Variants in KCNN2 observed in about 807,000 individuals in gnomAD.
The protein encoded by KCNN2 is potassium calcium-activated channel subfamily N member 2.
A neutral mutation model predicts 55.5 loss-of-function variants in KCNN2; 24 were observed. The ratio of observed to expected loss-of-function variants is 0.43; its 90% CI spans 0.31 to 0.61. The LOEUF is 0.61. Ranked by LOEUF, KCNN2 falls within the 20% of genes least tolerant of loss-of-function variation. The probability of loss-of-function intolerance (pLI) is 0.08; values close to 1 mark genes in which losing one functional copy is unlikely to be tolerated. For synonymous variants in KCNN2, 431 were observed against 336.1 expected (o/e 1.28, Z -3.09); for missense variants, 754 against 853.6 (o/e 0.88, Z 1.45).
At chr5:114,157,766 G>A (rs1368573529) in intron 1 of KCNN2, among the ~76,000 whole-genome samples, 1 of 151,968 alleles carries the variant, frequency 6.6e-6, no homozygotes, top group Non-Finnish European at 1.5e-5. Context: ...GTGATGATGA[G>A]CATTTTTTCA....
chr5:114,400,375 C>A (rs1015701714), intron 2 of KCNN2, among the ~76,000 whole-genome samples: 11 of 152,292 alleles, frequency 7.2e-5, no homozygotes, highest in Admixed American at 5.2e-4. Flanking sequence ...ATTTAGGTGA[C>A]GAGGTACAAC....
chr5:114,316,536 G>C (rs1169993639), intron 2 of KCNN2, among the ~76,000 whole-genome samples: 1 of 152,132 alleles, frequency 6.6e-6, no homozygotes, highest in Non-Finnish European at 1.5e-5. Flanking sequence ...CACAATTGTT[G>C]GGTACTTTTC....
chr5:114,422,835 A>C (rs1206401086), intron 3 of KCNN2, among the ~76,000 whole-genome samples: 1 of 152,208 alleles, frequency 6.6e-6, no homozygotes, highest in Admixed American at 6.5e-5. Flanking sequence ...ACTTCTCAGA[A>C]AGCACATTCT....
At chr5:114,113,007 T>G (rs1751634095) in intron 1 of KCNN2, among the ~76,000 whole-genome samples, 1 of 152,056 alleles carries the variant, frequency 6.6e-6, no homozygotes, top group South Asian at 2.1e-4. Flanking sequence ...CTTCAAATAC[T>G]GAGAGAGGAA....
At chr5:114,285,283 CAAAAAAAAAAAAAA>C (rs70976334) in intron 2 of KCNN2, among the ~76,000 whole-genome samples, 2 of 56,276 alleles carry the variant, frequency 3.6e-5, no homozygotes, top group African/African-American at 7.6e-5. Context: ...ACTCCATCTC[CAAAAAAAAAAAAAA>C]AAAAAAAAAG....
intron 1 of KCNN2, among the ~76,000 whole-genome samples, chr5:114,189,767 A>G (rs749679485): frequency 3.9e-5 from 6 of 152,198 alleles, no homozygotes; most frequent in Non-Finnish European, 7.3e-5. Context: ...CTATAGTAGT[A>G]TAGAACAGAG....
chr5:114,112,311 C>G (rs1014613728), intron 1 of KCNN2, among the ~76,000 whole-genome samples: 1 of 151,968 alleles, frequency 6.6e-6, no homozygotes, highest in Non-Finnish European at 1.5e-5. Context: ...GGGAACATCA[C>G]AGACTGGGGC....
intron 2 of KCNN2, among the ~76,000 whole-genome samples, chr5:114,380,379 T>G (rs1236309896): frequency 7.9e-5 from 12 of 152,214 alleles, no homozygotes; most frequent in African/African-American, 1.9e-4. Context: ...GCCCTGGCTC[T>G]CTCTCATTTC....
At chr5:114,380,420 A>C (rs1758082373) in intron 2 of KCNN2, among the ~76,000 whole-genome samples, 1 of 152,230 alleles carries the variant, frequency 6.6e-6, no homozygotes, top group African/African-American at 2.4e-5. Flanking sequence ...AGATTCCTGC[A>C]GTTCAATACA....
chr5:114,441,257 C>T (rs1760198579), intron 3 of KCNN2, among the ~76,000 whole-genome samples: 2 of 152,100 alleles, frequency 1.3e-5, no homozygotes, highest in Admixed American at 1.3e-4. Flanking sequence ...GTTAATACAA[C>T]TCAGTATTTA....
At chr5:114,192,371 G>A (rs1211052042) in intron 1 of KCNN2, among the ~76,000 whole-genome samples, 1 of 152,082 alleles carries the variant, frequency 6.6e-6, no homozygotes, top group Non-Finnish European at 1.5e-5. Context: ...TGAGTACATC[G>A]AACCTTATTT....
chr5:114,217,913 C>A (rs969772215), intron 1 of KCNN2, among the ~76,000 whole-genome samples: 1 of 151,936 alleles, frequency 6.6e-6, no homozygotes, highest in East Asian at 1.9e-4. Context: ...AAGAAAATGA[C>A]CAAATTAAAA....
intron 2 of KCNN2, among the ~76,000 whole-genome samples, chr5:114,234,247 T>C (rs932213521): frequency 6.6e-6 from 1 of 152,206 alleles, no homozygotes; most frequent in Non-Finnish European, 1.5e-5. Context: ...ACAATGTTTT[T>C]CATAAGTCAT....
At chr5:114,059,506 G>C (rs1750282342) in intron 1 of KCNN2, among the ~76,000 whole-genome samples, 1 of 152,140 alleles carries the variant, frequency 6.6e-6, no homozygotes, top group South Asian at 2.1e-4. Flanking sequence ...GAAATTATGT[G>C]TTTTTTCCCC....
chr5:114,346,084 C>G (rs1757099722), intron 2 of KCNN2, among the ~76,000 whole-genome samples: 1 of 152,152 alleles, frequency 6.6e-6, no homozygotes, highest in Non-Finnish European at 1.5e-5. Flanking sequence ...GCTCAGCCCT[C>G]AGGGAGCTTT....
chr5:114,233,367 C>A (rs1463062617), intron 2 of KCNN2, among the ~76,000 whole-genome samples: 1 of 152,150 alleles, frequency 6.6e-6, no homozygotes, highest in Non-Finnish European at 1.5e-5. Context: ...CTGGATACCT[C>A]TTCAGGTATA....
chr5:114,226,306 C>A (rs1754236761), intron 2 of KCNN2, among the ~76,000 whole-genome samples: 1 of 152,042 alleles, frequency 6.6e-6, no homozygotes, highest in Admixed American at 6.6e-5. Flanking sequence ...AAATTCTCTG[C>A]AGTACAGTAT....
intron 3 of KCNN2, among the ~76,000 whole-genome samples, chr5:114,419,607 T>C (rs1195484771): frequency 1.3e-5 from 2 of 152,190 alleles, no homozygotes; most frequent in East Asian, 1.9e-4. Flanking sequence ...CCAGTGATGA[T>C]AGGTGCAAGT....
At chr5:114,460,006 A>G (rs1171112815) in intron 3 of KCNN2, among the ~76,000 whole-genome samples, 1 of 152,146 alleles carries the variant, frequency 6.6e-6, no homozygotes, top group African/African-American at 2.4e-5. Flanking sequence ...TTTTCATTGC[A>G]GTTTTCAGTC....
Sources: gnomAD v4.1 joint callset for allele counts (sites outside exome capture counted in the v4.1 genomes callset) on GRCh38, gnomAD v4.1.1 for gene constraint, MANE v1.5 for transcripts, NCBI Gene and HGNC (gene_info 2026-07-23, HGNC 2026-07-21) for gene names.